The following SNX32 variants were observed in gnomAD, a reference collection of about 807,000 sequenced individuals.
SNX32 encodes sorting nexin-32.
In SNX32, 58 loss-of-function variants were observed where a neutral mutation model predicts 57.0. The observed-to-expected ratio is 1.02, with a 90% CI of 0.82 to 1.27. The LOEUF is 1.27. Among genes scored for constraint, SNX32 ranks in the 50% most tolerant of loss-of-function variants. The probability of loss-of-function intolerance (pLI) is 0.00; values close to 1 mark genes in which losing one functional copy is unlikely to be tolerated. For missense variants in SNX32, 589 were observed against 541.2 expected, an observed-to-expected ratio of 1.09 and a Z score of -0.88; for synonymous variants, 262 against 220.4, an observed-to-expected ratio of 1.19 and a Z score of -1.67.
intron 8 of SNX32, 77 bp from the exon 9 acceptor site, chr11:65,851,563 C>T (rs1859197645): frequency 1.9e-6 from 3 of 1,576,682 alleles, no homozygotes; most frequent in Non-Finnish European, 2.6e-6. Flanking sequence ...GGGAGATTCC[C>T]AAGGAGAGGC....
rs1591019709 is a variant in SNX32, at chr11:65,834,228, GTC to G, written c.36+129_36+130del. The G allele has an allele frequency of 6.9e-6, 7 of 1,018,138 alleles. No homozygotes were observed. The East Asian group carries it at 1.6e-4, about 24-fold the overall frequency. 63.1% of individuals were successfully genotyped at this position (1,018,138 alleles called of 1,614,324 possible). On this transcript the variant is annotated intron_variant, in intron 1 of 12. Transcript: ENST00000308342. ...TCTGCCTCTGTGTGTTTCTGTGTGT[GTC>G]TGTGTGTGTATAGTCTGCATGTGTC...
intron 12 of SNX32, 50 bp from the exon 13 acceptor site, chr11:65,853,232 A>C: frequency 6.2e-7 from 1 of 1,613,112 alleles, no homozygotes; most frequent in Non-Finnish European, 8.5e-7. Context: ...AAAGAATGGC[A>C]GCCTGACTCA....
At chr11:65,851,810 T>TA in intron 9 of SNX32, 131 bp downstream of exon 9, 2 of 977,802 alleles carry the variant, frequency 2.0e-6, no homozygotes, top group Non-Finnish European at 3.2e-6. Flanking sequence ...AAGTTGGGCT[T>TA]ACACTCCAGA....
chr11:65,852,927 A>C lies in SNX32; in HGVS notation c.1127A>C (p.Glu376Ala), dbSNP rs760277569. 2.5e-6 allele frequency: 4 copies of C among 1,613,946 alleles called. No homozygotes were observed. In the African/African-American group the frequency reaches 5.3e-5, roughly 22 times the overall value. Reference sequence around the variant, plus strand: ...TCCTCTTTTCGAAAGAATCTCATTGAGCTGGCAGAGCTGGAGCTCAAACAC... The same window carrying C: ...TCCTCTTTTCGAAAGAATCTCATTGCGCTGGCAGAGCTGGAGCTCAAACAC... Reference protein sequence around the residue: ...RVSSFRKNLIELAELELKHAK... With the variant: ...RVSSFRKNLIALAELELKHAK... The change falls in exon 12 of 13, where the codon GAG becomes GCG. Residue 376 changes from glutamate (E) to alanine (A), a missense_variant. Transcript: ENST00000308342.
At chr11:65,836,855 C>A (rs1858682287) in intron 1 of SNX32, among the ~76,000 whole-genome samples, 1 of 151,032 alleles carries the variant, frequency 6.6e-6, no homozygotes, top group Non-Finnish European at 1.5e-5. Context: ...ACAATGAGAA[C>A]ACATGGACAC....
intron 1 of SNX32, among the ~76,000 whole-genome samples, chr11:65,841,271 C>G (rs1028396571): frequency 6.6e-6 from 1 of 151,634 alleles, no homozygotes; most frequent in South Asian, 2.1e-4. Context: ...CACTGTCATC[C>G]AGGCTGGAGT....
chr11:65,835,142 G>C (rs933681993), intron 1 of SNX32, among the ~76,000 whole-genome samples: 10 of 152,104 alleles, frequency 6.6e-5, no homozygotes, highest in Admixed American at 5.9e-4. Flanking sequence ...GTATGTGTGT[G>C]TCTGCGCAAG....
chr11:65,845,460 G>GT, intron 1 of SNX32, among the ~76,000 whole-genome samples: 2 of 151,472 alleles, frequency 1.3e-5, no homozygotes, highest in South Asian at 4.2e-4. Flanking sequence ...AAAGTAACCG[G>GT]TTGCAGTGGC....
rs2134704238 is a variant in SNX32 at position 65,853,670 on chromosome 11, CT to C, written c.*337del. On this transcript the variant is annotated 3_prime_UTR_variant, in exon 13 of 13. Transcript: ENST00000308342. ...GCTCACTTGATCCCGGCCTGTTCTC[CT>C]TCGCAAATAAAAACCCTGGTTTTGT... 1 of 366,236 alleles carries C rather than the reference CT, an allele frequency of 2.7e-6. No homozygotes were observed. The highest frequency in any genetic ancestry group is 3.6e-5 in the South Asian group (1 of 27,734). 22.7% of individuals were successfully genotyped at this position (366,236 alleles called of 1,614,324 possible). A position where few individuals can be genotyped will look rare whatever the true frequency, so the allele number is the denominator to read the frequency against.
At chr11:65,846,106 T>C (rs942018272) in intron 1 of SNX32, among the ~76,000 whole-genome samples, 1 of 152,084 alleles carries the variant, frequency 6.6e-6, no homozygotes, top group Non-Finnish European at 1.5e-5. Context: ...ACCCCGTCTC[T>C]GCTAAAATAC....
At chr11:65,850,336 T>A (rs764196787) in intron 4 of SNX32, 65 bp downstream of exon 4, 1 of 1,613,502 alleles carries the variant, frequency 6.2e-7, no homozygotes, top group Non-Finnish European at 8.5e-7. Context: ...TATCTCCCCA[T>A]GAATGTTTAG....
rs368459965 is a variant in SNX32, at chr11:65,852,926, G to A, written c.1126G>A (p.Glu376Lys). ...RVSSFRKNLI[E>K]LAELELKHAK... ...CTCCTCTTTTCGAAAGAATCTCATT[G>A]AGCTGGCAGAGCTGGAGCTCAAACA... The change falls in exon 12 of 13, where the codon GAG becomes AAG. Residue 376 changes from glutamate to lysine, a missense_variant. By Grantham distance (56) the Glu-to-Lys change is moderately conservative. Coordinates refer to ENST00000308342, the MANE Select transcript of SNX32 (RefSeq NM_152760.3). 1.1e-5 allele frequency: 17 copies of A among 1,614,020 alleles called. No homozygotes were observed. In the African/African-American group the frequency reaches 1.9e-4, roughly 18 times the overall value.
intron 12 of SNX32, 61 bp from the exon 13 acceptor site, chr11:65,853,221 G>A (rs1014560850): frequency 1.9e-6 from 3 of 1,611,694 alleles, no homozygotes; most frequent in Non-Finnish European, 2.5e-6. Flanking sequence ...CTAAGGTGCA[G>A]AAAGAATGGC....
rs553491456 is a variant in SNX32, at chr11:65,850,791, G to T, written c.539G>T (p.Gly180Val). ...AAGAACAGGAAGGAGCTCCTCGGAG[G>T]GTTTCTGAGGAATATTGTGAAGTCC... ...RGKNRKELLG[G>V]FLRNIVKSAD... Residue 180 changes from glycine (G) to valine (V), a missense_variant, in exon 6 of 13, where the codon GGG becomes GTG. Physicochemically the swap from Gly to Val is moderately radical, Grantham distance 109. Transcript: ENST00000308342. The T allele has an allele frequency of 6.2e-7, 1 of 1,614,132 alleles. No homozygotes were observed. Among genetic ancestry groups the T allele is most frequent in the African/African-American group, 1.3e-5 (1 of 75,044 alleles).
chr11:65,853,589 C>T lies in SNX32; in HGVS notation c.*254C>T, dbSNP rs1326794447. 3 of 567,122 alleles carry T rather than the reference C, an allele frequency of 5.3e-6. No individual in the cohort carries two copies. Among genetic ancestry groups the T allele is most frequent in the Non-Finnish European group, 9.5e-6 (3 of 315,928 alleles). 35.1% of individuals were successfully genotyped at this position (567,122 alleles called of 1,614,324 possible). ...GAGCCCCAGGGACCCTGACACCTCT[C>T]CCCAGGAAGCTGAGGAACAGCCTCT... On this transcript the variant is annotated 3_prime_UTR_variant, in exon 13 of 13. Coordinates refer to ENST00000308342, the MANE Select transcript of SNX32 (RefSeq NM_152760.3).
At position 65,853,608 on chromosome 11, in the gene SNX32, A is replaced by T. The variant is rs1377336783; in HGVS notation, c.*273A>T. 3.6e-6 allele frequency: 2 copies of T among 553,536 alleles called. No individual in the cohort carries two copies. The highest frequency in any genetic ancestry group is 6.5e-6 in the Non-Finnish European group (2 of 307,154). 34.3% of individuals were successfully genotyped at this position (553,536 alleles called of 1,614,324 possible). ...ACCTCTCCCCAGGAAGCTGAGGAAC[A>T]GCCTCTACCCTCACCCATAGCCCTG... is the stretch of plus-strand genomic sequence containing the variant. On this transcript the variant is annotated 3_prime_UTR_variant, in exon 13 of 13. Coordinates refer to ENST00000308342, the MANE Select transcript of SNX32 (RefSeq NM_152760.3).
At position 65,853,545 on chromosome 11, in the gene SNX32, T is replaced by A. The variant is rs1859298882; in HGVS notation, c.*210T>A. 1 of 599,280 alleles carries A rather than the reference T, an allele frequency of 1.7e-6. No homozygotes were observed. The highest frequency in any genetic ancestry group is 3.0e-6 in the Non-Finnish European group (1 of 337,140). The allele number at this position is 599,280 out of a possible 1,614,324, so 37.1% of individuals were successfully genotyped here. On this transcript the variant is annotated 3_prime_UTR_variant, in exon 13 of 13. Transcript: ENST00000308342. ...AAGACACAGGGCAGCATGGGCATCATAACTGGCCACAGTCAGCAGAGCCCC... is the reference window on the plus strand; with the variant it reads ...AAGACACAGGGCAGCATGGGCATCAAAACTGGCCACAGTCAGCAGAGCCCC...
intron 1 of SNX32, among the ~76,000 whole-genome samples, chr11:65,835,021 G>T (rs1002058739): frequency 6.7e-6 from 1 of 150,278 alleles, no homozygotes; most frequent in Non-Finnish European, 1.5e-5. Flanking sequence ...GTGCCTGTGT[G>T]TTTGTGTGTG....
chr11:65,842,949 CA>C (rs922615169), intron 1 of SNX32, among the ~76,000 whole-genome samples: 5,412 of 41,198 alleles, frequency 0.13, 200 homozygotes, highest in African/African-American at 0.26. Context: ...AACTCCATCT[CA>C]AAAAAAAAAA....
Sources: gnomAD v4.1 joint callset for allele counts (sites outside exome capture counted in the v4.1 genomes callset) on GRCh38, gnomAD v4.1.1 for gene constraint, MANE v1.5 for transcripts, NCBI Gene and HGNC (gene_info 2026-07-23, HGNC 2026-07-21) for gene names.